COL4A5: variants seen among roughly 807,000 people sequenced by gnomAD.
The protein encoded by COL4A5 is collagen alpha-5(IV) chain.
Under a neutral mutation model 130.2 loss-of-function variants are expected in COL4A5, and 26 were observed. The ratio of observed to expected loss-of-function variants is 0.20; its 90% confidence interval spans 0.15 to 0.28. The LOEUF is 0.28. Ranked by LOEUF, COL4A5 falls within the 10% of genes least tolerant of loss-of-function variation. The probability of loss-of-function intolerance (pLI) is 1.00; values close to 1 mark genes in which losing one functional copy is unlikely to be tolerated. For synonymous variants in COL4A5, 496 were observed against 439.6 expected (o/e 1.13, Z -1.60); for missense variants, 1,131 against 1,344.3 (o/e 0.84, Z 2.48).
intron 1 of COL4A5, among the ~76,000 whole-genome samples, chrX:108,531,747 A>G (rs1323697978): frequency 8.9e-6 from 1 of 111,754 alleles, no homozygotes; most frequent in Admixed American, 9.5e-5. Flanking sequence ...CAGAAATGAA[A>G]AAAAGACACT....
intron 17 of COL4A5, 58 bp downstream of exon 17, chrX:108,582,995 T>C: frequency 1.1e-6 from 1 of 947,473 alleles, no homozygotes; most frequent in Non-Finnish European, 1.5e-6. Flanking sequence ...AATCCTTTTC[T>C]TCTCCCAGGC....
chrX:108,446,350 A>G (rs2064451857), intron 1 of COL4A5, among the ~76,000 whole-genome samples: 1 of 112,108 alleles, frequency 8.9e-6, no homozygotes, highest in Admixed American at 9.5e-5. Context: ...TGTAGAGTAT[A>G]TTTTAAAATG....
intron 6 of COL4A5, among the ~76,000 whole-genome samples, chrX:108,570,180 A>AT (rs1359453892): frequency 9.0e-6 from 1 of 111,606 alleles, no homozygotes. Flanking sequence ...TTTAAAAAAA[A>AT]TTTTGGATTC....
intron 25 of COL4A5, among the ~76,000 whole-genome samples, chrX:108,599,573 A>T (rs1172892949): frequency 9.0e-6 from 1 of 111,464 alleles, no homozygotes; most frequent in Non-Finnish European, 1.9e-5. Context: ...AGTCATATAG[A>T]TAGATAGCTA....
intron 1 of COL4A5, among the ~76,000 whole-genome samples, chrX:108,489,026 T>C (rs1278518654): frequency 4.5e-5 from 5 of 112,183 alleles, no homozygotes; most frequent in Non-Finnish European, 9.4e-5. Flanking sequence ...TACTTCTTAA[T>C]ATACACCATA....
intron 1 of COL4A5, among the ~76,000 whole-genome samples, chrX:108,443,422 C>T (rs1457393770): frequency 8.9e-6 from 1 of 111,817 alleles, no homozygotes; most frequent in Non-Finnish European, 1.9e-5. Flanking sequence ...TTTAAGTCCA[C>T]CAAACTTTTC....
chrX:108,532,687 C>T (rs772347685), intron 1 of COL4A5, among the ~76,000 whole-genome samples: 1 of 111,436 alleles, frequency 9.0e-6, no homozygotes, highest in East Asian at 2.8e-4. Context: ...AGAATGAATT[C>T]AGTGAAGTTG....
intron 1 of COL4A5, among the ~76,000 whole-genome samples, chrX:108,454,316 C>T (rs753560037): frequency 3.1e-4 from 35 of 111,321 alleles, no homozygotes; most frequent in Non-Finnish European, 5.7e-4. Flanking sequence ...TTGCTCTTGT[C>T]GCCCAGGCTG....
At chrX:108,577,372 C>CA (rs746311921) in intron 10 of COL4A5, among the ~76,000 whole-genome samples, 442 of 29,639 alleles carry the variant, frequency 0.015, 10 homozygotes, top group Middle Eastern at 0.04. Flanking sequence ...AACTCCTTCT[C>CA]AAAAAAAAAA....
intron 13 of COL4A5, among the ~76,000 whole-genome samples, chrX:108,578,655 A>T (rs1049946297): frequency 3.0e-4 from 33 of 109,609 alleles, no homozygotes; most frequent in African/African-American, 1.1e-3. Context: ...ATTTTTTTTT[A>T]AATAACAAGG....
intron 47 of COL4A5, among the ~76,000 whole-genome samples, chrX:108,683,559 TCTTA>T (rs2068481914): frequency 9.0e-6 from 1 of 111,643 alleles, no homozygotes; most frequent in East Asian, 2.8e-4. Flanking sequence ...TTGTGCCCTC[TCTTA>T]CTTCCTTGAG....
chrX:108,598,638 C>G (rs1220703469), intron 24 of COL4A5, 64 bp from the exon 25 acceptor site: 23 of 1,033,292 alleles, frequency 2.2e-5, no homozygotes, highest in Non-Finnish European at 2.9e-5. Context: ...CAGTTGTATT[C>G]AGTACCAACC....
intron 16 of COL4A5, among the ~76,000 whole-genome samples, chrX:108,581,513 A>G (rs1016840365): frequency 9.0e-6 from 1 of 111,449 alleles, no homozygotes; most frequent in Non-Finnish European, 1.9e-5. Context: ...ATCACCTTCA[A>G]AAGTTCCCTC....
intron 1 of COL4A5, among the ~76,000 whole-genome samples, chrX:108,455,850 C>T (rs1603246408): frequency 8.9e-6 from 1 of 111,766 alleles, no homozygotes; most frequent in East Asian, 2.8e-4. Flanking sequence ...GTTTGTGCAT[C>T]CTTATGCCAG....
chrX:108,692,840 T>C lies in COL4A5; in HGVS notation c.4621T>C (p.Tyr1541His), dbSNP rs2068658700. The C allele has an allele frequency of 8.3e-7, 1 of 1,210,663 alleles. No individual in the cohort carries two copies. The highest frequency in any genetic ancestry group is 2.2e-5 in the Admixed American group (1 of 45,974). ...TTGCAACTTTGCTTCAAGAAATGACTATTCTTACTGGCTCTCTACCCCAGA... is the reference window on the plus strand; with the variant it reads ...TTGCAACTTTGCTTCAAGAAATGACCATTCTTACTGGCTCTCTACCCCAGA... ...NVCNFASRND[Y>H]SYWLSTPEPM... The change falls in exon 50 of 53, where the codon TAT becomes CAT. Residue 1541 changes from tyrosine to histidine, a missense_variant. Coordinates refer to ENST00000328300, the MANE Select transcript of COL4A5 (RefSeq NM_033380.3).
In COL4A5 at chrX:108,665,513, C is replaced by A; in HGVS notation, c.3380C>A (p.Pro1127Gln). ...ATTGAGCTCTTTACTCTAGGAACCC[C>A]AGGCCCTCCTGGACCAAAAGGTATT... is the stretch of plus-strand genomic sequence containing the variant. ...QPGLPGFPGTPGPPGPKGISG... is the reference protein window; with the variant it reads ...QPGLPGFPGTQGPPGPKGISG... Residue 1127 changes from proline (P) to glutamine (Q), a missense_variant, in exon 38 of 53, where the codon CCA becomes CAA. Physicochemically the swap from Pro to Gln is moderately conservative, Grantham distance 76 (BLOSUM62 -1). Transcript: ENST00000328300. 1 of 1,205,901 alleles carries A rather than the reference C, an allele frequency of 8.3e-7. No homozygotes were observed.
Position 108,580,782 on chromosome X carries a change from ATG to A in COL4A5, c.891+57_891+58del, listed in dbSNP as rs200100909. 3,456 of 1,093,718 alleles carry A rather than the reference ATG, an allele frequency of 3.2e-3. 5 individuals are homozygous for A. The highest frequency in any genetic ancestry group is 3.9e-3 in the Non-Finnish European group (3,115 of 792,427). The allele number at this position is 1,093,718 out of a possible 1,213,427, so 90.1% of individuals were successfully genotyped here. A position where few individuals can be genotyped will look rare whatever the true frequency, so the allele number is the denominator to read the frequency against. ...AATATTCTTTGCAAAAAAATTCTAAATGTGTGTGTGTGTGATTTTATTCTTTC... is the reference window on the plus strand; with the variant it reads ...AATATTCTTTGCAAAAAAATTCTAAATGTGTGTGTGTGATTTTATTCTTTC... On this transcript the variant is annotated intron_variant, in intron 15 of 52. Coordinates refer to ENST00000328300, the MANE Select transcript of COL4A5 (RefSeq NM_033380.3).
rs748067439 is a variant in COL4A5, at chrX:108,440,275, G to C, written c.81+69G>C. ...ACGCTGAAATTACCTTTTTTTTGGGGGGGGGGTCCCTTTATCTTCCTTTTG... is the reference window on the plus strand; with the variant it reads ...ACGCTGAAATTACCTTTTTTTTGGGCGGGGGGTCCCTTTATCTTCCTTTTG... On this transcript the variant is annotated intron_variant, in intron 1 of 52. Transcript: ENST00000328300. The C allele has an allele frequency of 9.6e-5, 71 of 738,680 alleles. No homozygotes were observed. The East Asian group carries it at 1.6e-3, about 16-fold the overall frequency. 60.9% of individuals were successfully genotyped at this position (738,680 alleles called of 1,213,427 possible).
chrX:108,479,811 C>T (rs1438832759), intron 1 of COL4A5, among the ~76,000 whole-genome samples: 4 of 111,858 alleles, frequency 3.6e-5, no homozygotes, highest in African/African-American at 9.8e-5. Context: ...GTTTAAGTTG[C>T]ACAGTGGCTT....
Sources: gnomAD v4.1 joint callset for allele counts (sites outside exome capture counted in the v4.1 genomes callset) on GRCh38, gnomAD v4.1.1 for gene constraint, MANE v1.5 for transcripts, NCBI Gene and HGNC (gene_info 2026-07-23, HGNC 2026-07-21) for gene names.